The following ZDHHC18 variants were observed in gnomAD, a reference collection of about 807,000 sequenced individuals.
ZDHHC18 encodes the protein palmitoyltransferase ZDHHC18.
A neutral mutation model predicts 37.5 loss-of-function variants in ZDHHC18; 23 were observed. That is an observed-to-expected ratio of 0.61 (90% CI 0.44 to 0.87). The LOEUF is 0.87. Among genes scored for constraint, ZDHHC18 ranks in the 40% least tolerant of loss-of-function variants. The pLI is 0.00. For synonymous variants in ZDHHC18, 185 were observed against 218.7 expected (o/e 0.85, Z 1.36); for missense variants, 406 against 525.6 (o/e 0.77, Z 2.22).
chr1:26,832,283 G>T (rs1422597638), intron 1 of ZDHHC18, among the ~76,000 whole-genome samples, 164 bp from the exon 2 acceptor site: 1 of 152,172 alleles, frequency 6.6e-6, no homozygotes, highest in African/African-American at 2.4e-5. Context: ...ACTTATTGGG[G>T]AGTGGCTGCA....
intron 2 of ZDHHC18, among the ~76,000 whole-genome samples, chr1:26,846,215 C>CATACATATGTGT: frequency 1.8e-5 from 1 of 57,058 alleles, no homozygotes; most frequent in Admixed American, 2.3e-4. Context: ...CACGTATATA[C>CATACATATGTGT]ATATATATGT....
At chr1:26,848,824 G>T (rs1425635295) in intron 3 of ZDHHC18, 67 bp downstream of exon 3, 5 of 1,566,870 alleles carry the variant, frequency 3.2e-6, no homozygotes, top group Non-Finnish European at 4.4e-6. Context: ...GGGATGGGGG[G>T]CATCAAGCAT....
intron 1 of ZDHHC18, chr1:26,831,897 C>A (rs934854552): frequency 3.3e-5 from 5 of 152,832 alleles, no homozygotes; most frequent in South Asian, 2.0e-4. Context: ...TCCCCTCCCC[C>A]ACTAGAGCAC....
chr1:26,832,435 C>T lies in ZDHHC18; in HGVS notation c.336-12C>T. 1.2e-6 allele frequency: 2 copies of T among 1,613,970 alleles called. No individual in the cohort carries two copies. The highest frequency in any genetic ancestry group is 1.7e-6 in the Non-Finnish European group (2 of 1,179,916). On this transcript the variant is annotated splice_polypyrimidine_tract_variant and intron_variant, in intron 1 of 7. Transcript: ENST00000374142. ...GGGGTGTCTGCTGATCTCTCTCCAT[C>T]TCTCGTTCTAGCTGTCCCTACCTGG...
At position 26,856,445 on chromosome 1, in the gene ZDHHC18, G is replaced by T; in HGVS notation, c.*2602G>T. Reference sequence around the variant, plus strand: ...CGCTAAGCAGAAGGATCGGGATATAGGGCAAGGCTAAAAGCCCAGCCCCAT... The same window carrying T: ...CGCTAAGCAGAAGGATCGGGATATATGGCAAGGCTAAAAGCCCAGCCCCAT... On this transcript the variant is annotated 3_prime_UTR_variant, in exon 8 of 8. Coordinates refer to ENST00000374142, the MANE Select transcript of ZDHHC18 (RefSeq NM_032283.3). This position sits in a 1 kb window ranked among gnomAD's most constrained non-coding sequence, Gnocchi z 5.2. 3.6e-6 allele frequency: 1 copy of T among 276,360 alleles called. No individual in the cohort carries two copies. The highest frequency in any genetic ancestry group is 2.9e-5 in the South Asian group (1 of 34,908). The allele number at this position is 276,360 out of a possible 1,614,324, so 17.1% of individuals were successfully genotyped here.
In ZDHHC18 at chr1:26,850,174, C is replaced by T; in HGVS notation, c.647-127C>T. 1 of 1,254,946 alleles carries T rather than the reference C, an allele frequency of 8.0e-7. No individual in the cohort carries two copies. The highest frequency in any genetic ancestry group is 1.1e-6 in the Non-Finnish European group (1 of 904,164). The allele number at this position is 1,254,946 out of a possible 1,614,324, so 77.7% of individuals were successfully genotyped here. A position where few individuals can be genotyped will look rare whatever the true frequency, so the allele number is the denominator to read the frequency against. ...GACCAGAGGCAGGTGTGTCCAAGGC[C>T]TGGGAGCCAGCTGGTGCTGCGAGAG... On this transcript the variant is annotated intron_variant, in intron 3 of 7. Transcript: ENST00000374142. This position sits in a 1 kb window ranked among gnomAD's most constrained non-coding sequence, Gnocchi z 6.1.
At chr1:26,840,315 AC>A (rs1250219148) in intron 2 of ZDHHC18, among the ~76,000 whole-genome samples, 1 of 152,224 alleles carries the variant, frequency 6.6e-6, no homozygotes, top group African/African-American at 2.4e-5. Flanking sequence ...TTTTGTGGAA[AC>A]AAAAGTCATA....
rs2081720282 is a variant in ZDHHC18 at position 26,853,929 on chromosome 1, C to G, written c.*86C>G. 1 of 1,175,230 alleles carries G rather than the reference C, an allele frequency of 8.5e-7. No individual in the cohort carries two copies. 72.8% of individuals were successfully genotyped at this position (1,175,230 alleles called of 1,614,324 possible). A position where few individuals can be genotyped will look rare whatever the true frequency, so the allele number is the denominator to read the frequency against. ...CCCTCCCTATTCCATCCAAGGGAAGCAGAACTGCCAAAGACTCAAGTCTTT... is the reference window on the plus strand; with the variant it reads ...CCCTCCCTATTCCATCCAAGGGAAGGAGAACTGCCAAAGACTCAAGTCTTT... On this transcript the variant is annotated 3_prime_UTR_variant, in exon 8 of 8. Coordinates refer to ENST00000374142, the MANE Select transcript of ZDHHC18 (RefSeq NM_032283.3).
chr1:26,846,142 G>T (rs147012373), intron 2 of ZDHHC18, among the ~76,000 whole-genome samples: 1 of 144,494 alleles, frequency 6.9e-6, no homozygotes, highest in Non-Finnish European at 1.5e-5. Context: ...ATATATATGT[G>T]TGTATATATA....
chr1:26,844,474 A>G (rs1018295318), intron 2 of ZDHHC18, among the ~76,000 whole-genome samples: 1 of 152,180 alleles, frequency 6.6e-6, no homozygotes, highest in Non-Finnish European at 1.5e-5. Flanking sequence ...GTGTTTGGGT[A>G]GTTCTGGAGT....
Position 26,826,740 on chromosome 1 carries a change from C to CGGCCCGGTCCCGGAGT in ZDHHC18, c.-57_-42dup. The CGGCCCGGTCCCGGAGT allele has an allele frequency of 4.8e-6, 4 of 836,804 alleles. No homozygotes were observed. The highest frequency in any genetic ancestry group is 5.7e-6 in the Non-Finnish European group (4 of 696,734). The allele number at this position is 836,804 out of a possible 1,614,324, so 51.8% of individuals were successfully genotyped here. Reference sequence around the variant, plus strand: ...CGCCGCCGCTGCCACCTCCGCTGCTCGGCCCGGTCCCGGAGTGGCCCGGCC... The same window carrying CGGCCCGGTCCCGGAGT: ...CGCCGCCGCTGCCACCTCCGCTGCTCGGCCCGGTCCCGGAGTGGCCCGGTCCCGGAGTGGCCCGGCC... On this transcript the variant is annotated 5_prime_UTR_variant, in exon 1 of 8. Transcript: ENST00000374142. The surrounding 1 kb of genome is among the most constrained non-coding windows in gnomAD (Gnocchi z 5.2).
At chr1:26,852,267 A>G (rs1227962594) in intron 6 of ZDHHC18, among the ~76,000 whole-genome samples, 1 of 152,370 alleles carries the variant, frequency 6.6e-6, no homozygotes, top group Non-Finnish European at 1.5e-5. Context: ...AGTGCCTTCC[A>G]TAGCTGACTT....
intron 2 of ZDHHC18, among the ~76,000 whole-genome samples, chr1:26,847,525 T>C (rs1214013195): frequency 1.3e-5 from 2 of 152,246 alleles, no homozygotes. Context: ...TTCGTAGTTT[T>C]TAATCTGTAG....
chr1:26,848,394 G>A (rs1323535559), intron 2 of ZDHHC18, among the ~76,000 whole-genome samples: 3 of 152,098 alleles, frequency 2.0e-5, no homozygotes, highest in African/African-American at 7.2e-5. Flanking sequence ...AAGGCCGGCA[G>A]GTGTATGAAC....
rs749963236 is a variant in ZDHHC18 at position 26,832,606 on chromosome 1, C to G, written c.495C>G (p.Ile165Met). Residue 165 changes from isoleucine (I) to methionine (M), a missense_variant and splice_region_variant, in exon 2 of 8, where the codon ATC becomes ATG. By Grantham distance (10) the Ile-to-Met change is conservative. Transcript: ENST00000374142. The stretch of plus-strand genomic sequence containing the variant: ...AAGCAGCCGCCCTGGAGAAACAGAT[C>G]GGTGAGGTTTCTACTCCCAGCTGAA... ...VCEAAALEKQIDNTGSSTYRP... is the reference protein window; with the variant it reads ...VCEAAALEKQMDNTGSSTYRP... 34 of 1,613,804 alleles carry G rather than the reference C, an allele frequency of 2.1e-5. No individual in the cohort carries two copies. The highest frequency in any genetic ancestry group is 2.8e-5 in the Non-Finnish European group (33 of 1,179,814).
intron 7 of ZDHHC18, among the ~76,000 whole-genome samples, chr1:26,853,390 A>T (rs2081717050): frequency 6.6e-6 from 1 of 152,174 alleles, no homozygotes; most frequent in Non-Finnish European, 1.5e-5. Context: ...GCCTGCCTAG[A>T]GGGGAAGGGA....
At position 26,851,144 on chromosome 1, in the gene ZDHHC18, G is replaced by T. The variant is rs137877173; in HGVS notation, c.849G>T (p.Val283=). The change falls in exon 6 of 8, where the codon GTG becomes GTT. Residue 283 remains valine, a synonymous_variant. Coordinates refer to ENST00000374142, the MANE Select transcript of ZDHHC18 (RefSeq NM_032283.3). ...KETPASVLEL[V]ICFFSIWSIL... is the part of the protein sequence containing the mutation. The stretch of plus-strand genomic sequence containing the variant: ...CTGCCCTCACCGTGCTGGAGTTGGT[G>T]ATCTGCTTCTTCTCCATCTGGTCCA... 1.2e-6 allele frequency: 2 copies of T among 1,614,084 alleles called. No individual in the cohort carries two copies. Among genetic ancestry groups the T allele is most frequent in the South Asian group, 1.1e-5 (1 of 91,084 alleles).
Position 26,832,464 on chromosome 1 carries a change from G to A in ZDHHC18, c.353G>A (p.Arg118His), listed in dbSNP as rs374351053. 1.9e-5 allele frequency: 30 copies of A among 1,613,988 alleles called. No individual in the cohort carries two copies. The highest frequency in any genetic ancestry group is 4.0e-5 in the African/African-American group (3 of 74,890). ...CGTTCTAGCTGTCCCTACCTGGCTCGCAAGCTGACCCTTGCCATCCCCATC... is the reference window on the plus strand; with the variant it reads ...CGTTCTAGCTGTCCCTACCTGGCTCACAAGCTGACCCTTGCCATCCCCATC... ...FFVFDCPYLA[R>H]KLTLAIPIIA... Residue 118 changes from arginine to histidine, a missense_variant, in exon 2 of 8, where the codon CGC becomes CAC. Arg to His is a conservative substitution (Grantham distance 29). Transcript: ENST00000374142.
chr1:26,843,137 CT>C lies in ZDHHC18; in HGVS notation c.497-5457del, dbSNP rs1336807710. 3.3e-3 allele frequency among the ~76,000 whole-genome samples: 469 copies of C among 141,830 alleles called. 1 individual carries two copies. The highest frequency in any genetic ancestry group is 9.2e-3 in the South Asian group (41 of 4,444). 93.0% of individuals were successfully genotyped at this position (141,830 alleles called of 152,430 possible). A position where few individuals can be genotyped will look rare whatever the true frequency, so the allele number is the denominator to read the frequency against. ...TAAGTCTTTCCTTTTTTCTTTCTTT[CT>C]TTTTTTTTTTTTTCTTTTTTTGAGA... On this transcript the variant is annotated intron_variant, in intron 2 of 7. Transcript: ENST00000374142.
Sources: allele counts gnomAD v4.1 joint callset (sites outside exome capture counted in the v4.1 genomes callset), GRCh38; gene constraint gnomAD v4.1.1; non-coding constraint Gnocchi (gnomAD v3.1); transcripts MANE v1.5; gene names NCBI Gene and HGNC (gene_info 2026-07-23, HGNC 2026-07-21).